Variants in WWP1 observed in about 807,000 individuals in gnomAD.
WWP1 encodes WW domain containing E3 ubiquitin protein ligase 1.
A neutral mutation model predicts 130.6 loss-of-function variants in WWP1; 49 were observed. That is an observed-to-expected ratio of 0.38 (90% CI 0.30 to 0.48). The LOEUF is 0.48. Among genes scored for constraint, WWP1 ranks in the 20% least tolerant of loss-of-function variants. WWP1 has a pLI of 0.99. For missense variants in WWP1, 809 were observed against 1,100.6 expected (o/e 0.74, Z 3.75); for synonymous variants, 332 against 367.8 (o/e 0.90, Z 1.11).
chr8:86,425,783 A>G (rs1809588725), intron 10 of WWP1, among the ~76,000 whole-genome samples: 1 of 152,240 alleles, frequency 6.6e-6, no homozygotes, highest in African/African-American at 2.4e-5. Flanking sequence ...AGAAGGTTTT[A>G]AATTAATAAA....
At chr8:86,361,974 GTATATATATATA>G in intron 1 of WWP1, among the ~76,000 whole-genome samples, 1 of 127,618 alleles carries the variant, frequency 7.8e-6, no homozygotes, top group African/African-American at 2.8e-5. Context: ...GTGTGTGTGT[GTATATATATATA>G]TATATACATA....
chr8:86,352,587 A>G lies in WWP1; in HGVS notation c.-115+9657A>G, dbSNP rs533736932. On this transcript the variant is annotated intron_variant, in intron 1 of 24. Coordinates refer to ENST00000517970, the MANE Select transcript of WWP1 (RefSeq NM_007013.4). ...ACCTTATTTCCCAGGCTGGTCTTGA[A>G]CTCCTGGACTCAAGTGATCCTCTCA... 4.0e-5 allele frequency among the ~76,000 whole-genome samples: 6 copies of G among 150,234 alleles called. No individual in the cohort carries two copies. In the South Asian group the frequency reaches 8.5e-4, roughly 21 times the overall value.
chr8:86,424,590 G>A (rs756634471), intron 9 of WWP1, among the ~76,000 whole-genome samples: 64 of 151,808 alleles, frequency 4.2e-4, no homozygotes, highest in Non-Finnish European at 7.7e-4. Flanking sequence ...ATCACTCGCC[G>A]TTAGGAGCTG....
Position 86,346,992 on chromosome 8 carries a change from A to ATATTT in WWP1, c.-115+4083_-115+4087dup, listed in dbSNP as rs573444888. ...TGTGTTAGGAAGTAATAACTGCTTT[A>ATATTT]TATTTTATTTTATTTTATTTTATTT... On this transcript the variant is annotated intron_variant, in intron 1 of 24. Coordinates refer to ENST00000517970, the MANE Select transcript of WWP1 (RefSeq NM_007013.4). Among the ~76,000 whole-genome samples, 84 of 152,092 alleles carry ATATTT rather than the reference A, an allele frequency of 5.5e-4. 1 individual carries two copies. Among genetic ancestry groups the ATATTT allele is most frequent in the South Asian group, 1.2e-3 (6 of 4,814 alleles).
chr8:86,457,427 CTG>C (rs1480285398), intron 21 of WWP1, among the ~76,000 whole-genome samples: 1 of 82,668 alleles, frequency 1.2e-5, no homozygotes, highest in African/African-American at 3.5e-5. Flanking sequence ...GTCTGTCTGT[CTG>C]TCTATCTATC....
chr8:86,373,841 T>C (rs946528804), intron 2 of WWP1, among the ~76,000 whole-genome samples, 189 bp from the exon 3 acceptor site: 1 of 152,198 alleles, frequency 6.6e-6, no homozygotes, highest in East Asian at 1.9e-4. Flanking sequence ...TTATTTTTGC[T>C]TACTACTCAC....
At chr8:86,461,100 C>A (rs1367800650) in intron 22 of WWP1, 124 bp from the exon 23 acceptor site, 5 of 874,398 alleles carry the variant, frequency 5.7e-6, no homozygotes, top group Non-Finnish European at 7.0e-6. Context: ...TGAGCCACCA[C>A]GCCCAACCTT....
At chr8:86,398,826 C>T (rs1807817566) in intron 7 of WWP1, among the ~76,000 whole-genome samples, 188 bp downstream of exon 7, 1 of 152,154 alleles carries the variant, frequency 6.6e-6, no homozygotes, top group Non-Finnish European at 1.5e-5. Context: ...AGATATCATA[C>T]ATATATCATG....
chr8:86,418,683 C>T (rs1410336992), intron 9 of WWP1, among the ~76,000 whole-genome samples: 1 of 152,158 alleles, frequency 6.6e-6, no homozygotes, highest in Non-Finnish European at 1.5e-5. Flanking sequence ...TTCTGCTCTG[C>T]CTAGGGGTTT....
chr8:86,411,736 G>C lies in WWP1; in HGVS notation c.923G>C (p.Arg308Thr). The change falls in exon 9 of 25, where the codon AGA (arginine) becomes ACA (threonine). Residue 308 changes from arginine to threonine, a missense_variant. Physicochemically the swap from Arg to Thr is moderately conservative, Grantham distance 71. Coordinates refer to ENST00000517970, the MANE Select transcript of WWP1 (RefSeq NM_007013.4). ...AGTGCAGAATTGGAATCTGAAGCTA[G>C]AAGTATATTAGAGCCTGACACCTCT... is the stretch of plus-strand genomic sequence containing the variant. The part of the protein sequence containing the change: ...STSAELESEA[R>T]SILEPDTSNS... 6.2e-7 allele frequency: 1 copy of C among 1,614,164 alleles called. No homozygotes were observed. Among genetic ancestry groups the C allele is most frequent in the South Asian group, 1.1e-5 (1 of 91,082 alleles).
intron 22 of WWP1, 73 bp downstream of exon 22, chr8:86,458,098 CTTA>C (rs1811556989): frequency 8.7e-6 from 11 of 1,260,520 alleles, no homozygotes; most frequent in East Asian, 2.4e-5. Context: ...TTAAAAATAG[CTTA>C]TTATTTTTAA....
chr8:86,349,088 C>CT (rs1822765443), intron 1 of WWP1, among the ~76,000 whole-genome samples: 1 of 152,162 alleles, frequency 6.6e-6, no homozygotes, highest in Admixed American at 6.5e-5. Flanking sequence ...GTGGCTCAGT[C>CT]TTGGCTCACT....
intron 5 of WWP1, among the ~76,000 whole-genome samples, chr8:86,383,571 G>C (rs1825109487): frequency 6.6e-6 from 1 of 152,006 alleles, no homozygotes; most frequent in Non-Finnish European, 1.5e-5. Context: ...GTGAGACCCT[G>C]TGTCTACCAA....
At chr8:86,365,861 A>G (rs1396782817) in intron 1 of WWP1, among the ~76,000 whole-genome samples, 1 of 152,204 alleles carries the variant, frequency 6.6e-6, no homozygotes, top group Non-Finnish European at 1.5e-5. Flanking sequence ...AGATGTATAC[A>G]TTGAGAACAC....
At chr8:86,394,133 A>C (rs7841007) in intron 5 of WWP1, among the ~76,000 whole-genome samples, 2 of 152,284 alleles carry the variant, frequency 1.3e-5, no homozygotes, top group African/African-American at 2.4e-5. Context: ...GCAATAGATA[A>C]TACATTGTTT....
At chr8:86,414,936 G>T (rs1464345452) in intron 9 of WWP1, among the ~76,000 whole-genome samples, 1 of 133,776 alleles carries the variant, frequency 7.5e-6, no homozygotes, top group African/African-American at 2.9e-5. Context: ...CTGGGTCATG[G>T]CATATTTGAC....
intron 5 of WWP1, among the ~76,000 whole-genome samples, chr8:86,390,708 G>C (rs1586333110): frequency 1.3e-5 from 2 of 149,022 alleles, no homozygotes; most frequent in East Asian, 3.9e-4. Flanking sequence ...AGAGGGAGAC[G>C]GGAGAGGGGG....
chr8:86,394,797 A>C (rs1038712264), intron 5 of WWP1, among the ~76,000 whole-genome samples: 2 of 152,044 alleles, frequency 1.3e-5, no homozygotes, highest in Non-Finnish European at 2.9e-5. Context: ...AAATGTTATA[A>C]CTCAATCTTC....
intron 3 of WWP1, among the ~76,000 whole-genome samples, chr8:86,374,651 A>C (rs928987518): frequency 1.3e-5 from 2 of 152,250 alleles, no homozygotes; most frequent in Non-Finnish European, 2.9e-5. Flanking sequence ...ACTGTAGTCT[A>C]TAAGTACCAT....
Sources: allele counts gnomAD v4.1 joint callset (sites outside exome capture counted in the v4.1 genomes callset), GRCh38; gene constraint gnomAD v4.1.1; transcripts MANE v1.5; gene names NCBI Gene and HGNC (gene_info 2026-07-23, HGNC 2026-07-21).